MEIKIN: variants seen among roughly 807,000 people sequenced by gnomAD.
The protein encoded by MEIKIN is meiosis-specific kinetochore protein.
At chr5:131,864,578 T>G (rs1276598076) in intron 9 of MEIKIN, among the ~76,000 whole-genome samples, 1 of 152,266 alleles carries the variant, frequency 6.6e-6, no homozygotes, top group African/African-American at 2.4e-5. Flanking sequence ...AGGCTTCTGC[T>G]GAGAGAGTCT....
chr5:131,916,166 A>T (rs1162969118), intron 7 of MEIKIN, among the ~76,000 whole-genome samples: 1 of 152,214 alleles, frequency 6.6e-6, no homozygotes, highest in African/African-American at 2.4e-5. Context: ...AGAAAATATT[A>T]CATTATAAAT....
intron 11 of MEIKIN, among the ~76,000 whole-genome samples, chr5:131,837,328 G>A (rs557873169): frequency 6.6e-6 from 1 of 152,242 alleles, no homozygotes; most frequent in South Asian, 2.1e-4. Context: ...GCTTAGAACT[G>A]CCTTGGCTAT....
rs569020061 is a variant in MEIKIN, at chr5:131,825,208, A to C, written c.976-6345T>G. Among the ~76,000 whole-genome samples the C allele has an allele frequency of 5.9e-5, 9 of 152,202 alleles. No homozygotes were observed. The South Asian group carries it at 6.2e-4, about 11-fold the overall frequency. On this transcript the variant is annotated intron_variant, in intron 11 of 12. Transcript: ENST00000442687. ...GAGTGAGACCCTGTCTTAAAATAAT[A>C]ATCATCATCATCCACTTATGTACAC...
chr5:131,816,133 G>C (rs1329561310), intron 12 of MEIKIN, among the ~76,000 whole-genome samples: 5 of 152,192 alleles, frequency 3.3e-5, no homozygotes, highest in Non-Finnish European at 5.9e-5. Flanking sequence ...ATGCAGGAGA[G>C]TTGTAGCATG....
At chr5:131,860,777 T>TC (rs1156870780) in intron 9 of MEIKIN, among the ~76,000 whole-genome samples, 1 of 142,574 alleles carries the variant, frequency 7.0e-6, no homozygotes, top group Non-Finnish European at 1.5e-5. Context: ...TTTTTTTTTT[T>TC]TTGAGAGAGA....
At chr5:131,833,142 C>A (rs1749743089) in intron 11 of MEIKIN, among the ~76,000 whole-genome samples, 1 of 152,158 alleles carries the variant, frequency 6.6e-6, no homozygotes, top group Non-Finnish European at 1.5e-5. Context: ...AAACAGAATG[C>A]TTTTAATAGC....
At chr5:131,815,835 C>CAACTTTATTGGT (rs1773091246) in intron 12 of MEIKIN, among the ~76,000 whole-genome samples, 2 of 152,194 alleles carry the variant, frequency 1.3e-5, no homozygotes, top group Non-Finnish European at 2.9e-5. Context: ...GTGTCACCCA[C>CAACTTTATTGGT]CAGGTAAAGA....
At chr5:131,895,316 C>A (rs192788869) in intron 8 of MEIKIN, among the ~76,000 whole-genome samples, 61 of 152,264 alleles carry the variant, frequency 4.0e-4, no homozygotes, top group Middle Eastern at 3.4e-3. Flanking sequence ...ATTTTCACAT[C>A]GATGTTCATC....
intron 8 of MEIKIN, among the ~76,000 whole-genome samples, chr5:131,894,908 T>C (rs1427565704): frequency 6.6e-6 from 1 of 152,176 alleles, no homozygotes. Context: ...TTTTGCCTGG[T>C]TGCCCTGGCC....
intron 8 of MEIKIN, among the ~76,000 whole-genome samples, chr5:131,902,445 A>G (rs978414374): frequency 4.0e-5 from 6 of 151,768 alleles, no homozygotes; most frequent in African/African-American, 9.7e-5. Context: ...TTAAAAAAAA[A>G]AAGAAGAAGT....
intron 7 of MEIKIN, among the ~76,000 whole-genome samples, chr5:131,914,298 C>G (rs1201514498): frequency 6.6e-6 from 1 of 150,426 alleles, no homozygotes; most frequent in Admixed American, 6.6e-5. Context: ...GCTGGAGGAT[C>G]ACTTGAACCC....
chr5:131,918,805 C>T (rs934907749), intron 6 of MEIKIN, among the ~76,000 whole-genome samples: 1 of 152,192 alleles, frequency 6.6e-6, no homozygotes, highest in African/African-American at 2.4e-5. Flanking sequence ...CCTGCCCTAT[C>T]TCATTCTTTC....
intron 8 of MEIKIN, among the ~76,000 whole-genome samples, chr5:131,893,085 C>T (rs1022394601): frequency 3.3e-5 from 5 of 152,186 alleles, no homozygotes; most frequent in African/African-American, 1.2e-4. Context: ...AGTTTTATCT[C>T]AGAGGAGTAT....
chr5:131,875,892 G>A (rs1750603788), intron 9 of MEIKIN, among the ~76,000 whole-genome samples: 1 of 152,140 alleles, frequency 6.6e-6, no homozygotes, highest in Admixed American at 6.5e-5. Flanking sequence ...CAAGCAATGG[G>A]GAAAGGATTC....
At chr5:131,848,310 C>A (rs1580870934) in intron 11 of MEIKIN, among the ~76,000 whole-genome samples, 1 of 152,030 alleles carries the variant, frequency 6.6e-6, no homozygotes, top group African/African-American at 2.4e-5. Flanking sequence ...GGAAAGAAGA[C>A]TTAAATTACT....
chr5:131,858,925 T>C (rs559458306), intron 9 of MEIKIN, among the ~76,000 whole-genome samples: 21 of 152,186 alleles, frequency 1.4e-4, no homozygotes, highest in South Asian at 8.3e-4. Context: ...CAAAAACTAA[T>C]AGATGCTAGC....
chr5:131,864,540 A>G (rs1750350425), intron 9 of MEIKIN, among the ~76,000 whole-genome samples: 1 of 152,200 alleles, frequency 6.6e-6, no homozygotes, highest in Admixed American at 6.5e-5. Flanking sequence ...CACTTTGAAT[A>G]TATCATATCA....
At chr5:131,859,194 A>C (rs930375525) in intron 9 of MEIKIN, among the ~76,000 whole-genome samples, 5 of 152,260 alleles carry the variant, frequency 3.3e-5, no homozygotes, top group Non-Finnish European at 7.3e-5. Flanking sequence ...TCAATGGTAG[A>C]CTGGATAAAG....
At chr5:131,868,806 T>G (rs183479887) in intron 9 of MEIKIN, among the ~76,000 whole-genome samples, 9 of 152,338 alleles carry the variant, frequency 5.9e-5, no homozygotes, top group African/African-American at 1.9e-4. Context: ...AGTGCCAGGA[T>G]TACAGGCATG....
Sources: gnomAD v4.1 joint callset for allele counts (sites outside exome capture counted in the v4.1 genomes callset) on GRCh38, gnomAD v4.1.1 for gene constraint, MANE v1.5 for transcripts, NCBI Gene and HGNC (gene_info 2026-07-23, HGNC 2026-07-21) for gene names.